COBLL1: variants seen among roughly 807,000 people sequenced by gnomAD.
The protein encoded by COBLL1 is cordon-bleu WH2 repeat protein like 1.
A neutral mutation model predicts 94.8 loss-of-function variants in COBLL1; 50 were observed. The ratio of observed to expected loss-of-function variants is 0.53; its 90% CI spans 0.42 to 0.67. The LOEUF (loss-of-function observed/expected upper bound fraction) is 0.67. Among genes scored for constraint, COBLL1 ranks in the 30% least tolerant of loss-of-function variants. The pLI is 0.00. For synonymous variants in COBLL1, 448 were observed against 473.8 expected (o/e 0.95, Z 0.71); for missense variants, 1,362 against 1,348.7 (o/e 1.01, Z -0.15).
intron 7 of COBLL1, chr2:164,705,370 C>A: frequency 3.4e-6 from 1 of 294,136 alleles, no homozygotes; most frequent in Non-Finnish European, 6.2e-6. Context: ...ATGTAGAGGA[C>A]TCATAAGTAA....
chr2:164,734,365 A>G (rs1686183560), intron 3 of COBLL1, among the ~76,000 whole-genome samples: 1 of 152,220 alleles, frequency 6.6e-6, no homozygotes, highest in African/African-American at 2.4e-5. Context: ...CTAAGTGTTT[A>G]AAGAAAAACA....
At chr2:164,756,089 G>A (rs953406920) in intron 2 of COBLL1, among the ~76,000 whole-genome samples, 1 of 131,944 alleles carries the variant, frequency 7.6e-6, no homozygotes, top group Non-Finnish European at 1.6e-5. Context: ...GAGGGAGGGA[G>A]GGAGAGAGAG....
intron 10 of COBLL1, among the ~76,000 whole-genome samples, chr2:164,699,942 C>T (rs1304636590): frequency 6.6e-6 from 1 of 151,920 alleles, no homozygotes; most frequent in Non-Finnish European, 1.5e-5. Flanking sequence ...GAGACAATCT[C>T]ATGCAAATTA....
At chr2:164,701,395 T>A (rs1684249680) in intron 9 of COBLL1, among the ~76,000 whole-genome samples, 1 of 152,226 alleles carries the variant, frequency 6.6e-6, no homozygotes, top group East Asian at 1.9e-4. Context: ...AGAGCAAGTA[T>A]TGGACAATGA....
At position 164,695,445 on chromosome 2, in the gene COBLL1, A is replaced by C. The variant is rs780433619; in HGVS notation, c.1947T>G (p.Asp649Glu). The change falls in exon 12 of 14, where the codon GAT becomes GAG. Residue 649 changes from aspartate (D) to glutamate (E), a missense_variant. Coordinates refer to ENST00000652658, the MANE Select transcript of COBLL1 (RefSeq NM_001365672.2). ...STQHSCLSSQ[D>E]SVNTSREFRS... is the part of the protein sequence containing the mutation. ...TGAATTCCCTTGAGGTATTTACAGA[A>C]TCTTGTGAACTTAAGCATGAGTGTT... The C allele has an allele frequency of 1.6e-5, 26 of 1,613,824 alleles. No individual in the cohort carries two copies. The highest frequency in any genetic ancestry group is 8.5e-7 in the Non-Finnish European group (1 of 1,179,926).
intron 13 of COBLL1, among the ~76,000 whole-genome samples, chr2:164,691,175 C>T (rs1233328773): frequency 6.6e-6 from 1 of 152,136 alleles, no homozygotes; most frequent in Non-Finnish European, 1.5e-5. Context: ...GGCTGTCACT[C>T]ATACCTCCTC....
At chr2:164,661,910 A>G (rs1691075482) in intron 2 of COBLL1, among the ~76,000 whole-genome samples, 1 of 152,202 alleles carries the variant, frequency 6.6e-6, no homozygotes, top group Non-Finnish European at 1.5e-5. Context: ...ATTCTAGCAT[A>G]AAAATAATCT....
chr2:164,691,606 C>A (rs965146244), intron 13 of COBLL1, among the ~76,000 whole-genome samples: 1 of 152,080 alleles, frequency 6.6e-6, no homozygotes, highest in Non-Finnish European at 1.5e-5. Flanking sequence ...AGGAAATTCA[C>A]CTGAAAAGAA....
chr2:164,797,126 T>C (rs1683503041), intron 2 of COBLL1, among the ~76,000 whole-genome samples: 1 of 152,190 alleles, frequency 6.6e-6, no homozygotes, highest in South Asian at 2.1e-4. Context: ...AATGAAGTAT[T>C]ATTTCTGGGA....
chr2:164,823,500 G>A (rs1050221887), intron 2 of COBLL1, among the ~76,000 whole-genome samples: 9 of 152,084 alleles, frequency 5.9e-5, no homozygotes, highest in East Asian at 1.9e-4. Flanking sequence ...CTCCTTCACC[G>A]CAGCAAAGAT....
At chr2:164,737,988 G>T (rs970612386) in intron 3 of COBLL1, among the ~76,000 whole-genome samples, 19 of 152,166 alleles carry the variant, frequency 1.2e-4, no homozygotes, top group African/African-American at 4.6e-4. Flanking sequence ...ACTTGCTTGA[G>T]ATCACACAGC....
intron 7 of COBLL1, among the ~76,000 whole-genome samples, chr2:164,719,135 T>C (rs3754956): frequency 0.17 from 26,257 of 151,754 alleles, 2,366 homozygotes; most frequent in East Asian, 0.3. Context: ...ACAAAAGATG[T>C]CAGCAGAGGG....
intron 7 of COBLL1, among the ~76,000 whole-genome samples, chr2:164,720,277 TAA>T (rs5835990): frequency 1.1e-4 from 17 of 149,924 alleles, no homozygotes; most frequent in African/African-American, 3.4e-4. Flanking sequence ...GGCAACATAC[TAA>T]AAAAAAAAAG....
chr2:164,836,158 T>G (rs974346069), intron 2 of COBLL1, among the ~76,000 whole-genome samples: 1 of 152,084 alleles, frequency 6.6e-6, no homozygotes, highest in African/African-American at 2.4e-5. Context: ...ATCCTACTTT[T>G]GAAATATTGT....
At chr2:164,827,033 C>T (rs1024334528) in intron 2 of COBLL1, among the ~76,000 whole-genome samples, 1 of 152,042 alleles carries the variant, frequency 6.6e-6, no homozygotes, top group Non-Finnish European at 1.5e-5. Context: ...TCACTGCAAC[C>T]TCCACCTCCC....
At chr2:164,782,998 A>C (rs55920744) in intron 2 of COBLL1, among the ~76,000 whole-genome samples, 2,346 of 152,272 alleles carry the variant, frequency 0.015, 26 homozygotes, top group South Asian at 0.028. Flanking sequence ...CATATATTAC[A>C]TAAAAGGGAG....
intron 2 of COBLL1, among the ~76,000 whole-genome samples, chr2:164,777,777 C>T (rs1688538771): frequency 6.6e-6 from 1 of 152,110 alleles, no homozygotes; most frequent in Non-Finnish European, 1.5e-5. Flanking sequence ...CATAGGGGTA[C>T]CTGCAGCCAG....
chr2:164,818,642 A>G (rs1162628095), intron 2 of COBLL1, among the ~76,000 whole-genome samples: 1 of 142,256 alleles, frequency 7.0e-6, no homozygotes, highest in African/African-American at 2.5e-5. Context: ...ATATGTACAT[A>G]TGTAAACATA....
Position 164,680,925 on chromosome 2 carries a change from T to G in COBLL1, c.*5021A>C, listed in dbSNP as rs755649535. ...CTGAAGACAAAATGAGAGAAAACTA[T>G]AGAGAAAGGGAGAGAATATACTTTT... On this transcript the variant is annotated 3_prime_UTR_variant, in exon 14 of 14. Transcript: ENST00000652658. 2 of 152,012 alleles carry G rather than the reference T, an allele frequency of 1.3e-5. No individual in the cohort carries two copies. Among genetic ancestry groups the G allele is most frequent in the African/African-American group, 4.8e-5 (2 of 41,386 alleles). 9.4% of individuals were successfully genotyped at this position (152,012 alleles called of 1,614,324 possible).
Sources: allele counts gnomAD v4.1 joint callset (sites outside exome capture counted in the v4.1 genomes callset), GRCh38; gene constraint gnomAD v4.1.1; transcripts MANE v1.5; gene names NCBI Gene and HGNC (gene_info 2026-07-23, HGNC 2026-07-21).